RPL39L: variants seen among roughly 807,000 people sequenced by gnomAD.
RPL39L encodes ribosomal protein eL39-like 2.
For synonymous variants in RPL39L, 16 were observed against 20.1 expected (o/e 0.80, Z 0.55); for missense variants, 48 against 58.9 (o/e 0.81, Z 0.61).
At chr3:187,137,143 G>A (rs1240480539) in intron 1 of RPL39L, among the ~76,000 whole-genome samples, 1 of 135,978 alleles carries the variant, frequency 7.4e-6, no homozygotes, top group Non-Finnish European at 1.5e-5. Flanking sequence ...AGGTTGTAGT[G>A]AGTCATGATT....
At chr3:187,128,879 G>A (rs1720441554) in intron 1 of RPL39L, among the ~76,000 whole-genome samples, 1 of 152,272 alleles carries the variant, frequency 6.6e-6, no homozygotes, top group Middle Eastern at 3.4e-3. Context: ...ATCATGATAC[G>A]TCCAACGTCC....
intron 2 of RPL39L, among the ~76,000 whole-genome samples, chr3:187,124,265 C>G (rs1720361493): frequency 6.6e-6 from 1 of 152,106 alleles, no homozygotes; most frequent in Admixed American, 6.5e-5. Flanking sequence ...ATCCTAAGTA[C>G]TGGAGATACA....
rs1308605130 is a variant in RPL39L, at chr3:187,121,121, GT to G, written c.*23del. On this transcript the variant is annotated 3_prime_UTR_variant, in exon 3 of 3. Coordinates refer to ENST00000296277, the MANE Select transcript of RPL39L (RefSeq NM_052969.3). ...CGTGAACTTGATACAGCATAAATAT[GT>G]GTGCCATCTCATGTGCAATTCCTTA... 2 of 1,611,336 alleles carry G rather than the reference GT, an allele frequency of 1.2e-6. No individual in the cohort carries two copies. Among genetic ancestry groups the G allele is most frequent in the Non-Finnish European group, 1.7e-6 (2 of 1,178,824 alleles).
chr3:187,136,017 T>G (rs1364421938), intron 1 of RPL39L, among the ~76,000 whole-genome samples: 1 of 152,258 alleles, frequency 6.6e-6, no homozygotes, highest in East Asian at 1.9e-4. Flanking sequence ...GGATTAGGAC[T>G]GCATCCAGTA....
At chr3:187,125,238 T>C (rs1160912532) in intron 2 of RPL39L, among the ~76,000 whole-genome samples, 1 of 152,232 alleles carries the variant, frequency 6.6e-6, no homozygotes, top group Non-Finnish European at 1.5e-5. Flanking sequence ...AATGGAAATT[T>C]ATACTAAGAA....
intron 1 of RPL39L, among the ~76,000 whole-genome samples, chr3:187,137,700 C>G (rs1366808419): frequency 6.6e-6 from 1 of 151,532 alleles, no homozygotes. Context: ...GCAGGCACAG[C>G]TACCACAATC....
chr3:187,121,694 T>G (rs1720312129), intron 2 of RPL39L, among the ~76,000 whole-genome samples: 1 of 152,120 alleles, frequency 6.6e-6, no homozygotes, highest in Non-Finnish European at 1.5e-5. Flanking sequence ...ACAGAAAAAT[T>G]AAAGCAATAG....
intron 1 of RPL39L, among the ~76,000 whole-genome samples, chr3:187,135,676 T>C (rs1720567365): frequency 6.6e-6 from 1 of 152,098 alleles, no homozygotes; most frequent in African/African-American, 2.4e-5. Flanking sequence ...CACTCGTGGG[T>C]GAGGTAGCTC....
chr3:187,135,503 T>A (rs1406812605), intron 1 of RPL39L, among the ~76,000 whole-genome samples: 1 of 152,196 alleles, frequency 6.6e-6, no homozygotes, highest in African/African-American at 2.4e-5. Context: ...AAGATGTGAC[T>A]TGCTCCTCCT....
In RPL39L at chr3:187,121,015, A is replaced by G. The variant is rs999726016; in HGVS notation, c.*130T>C. The stretch of plus-strand genomic sequence containing the variant: ...CCTACTAGCACAGAGCATACAGAAA[A>G]ACAGAAAAAAATATTCCCAGTAAAA... On this transcript the variant is annotated 3_prime_UTR_variant, in exon 3 of 3. Coordinates refer to ENST00000296277, the MANE Select transcript of RPL39L (RefSeq NM_052969.3). 1 of 1,057,788 alleles carries G rather than the reference A, an allele frequency of 9.5e-7. No individual in the cohort carries two copies. The highest frequency in any genetic ancestry group is 1.6e-5 in the African/African-American group (1 of 63,210). 65.5% of individuals were successfully genotyped at this position (1,057,788 alleles called of 1,614,324 possible).
At chr3:187,129,252 G>C (rs190161700) in intron 1 of RPL39L, among the ~76,000 whole-genome samples, 1 of 152,230 alleles carries the variant, frequency 6.6e-6, no homozygotes, top group Non-Finnish European at 1.5e-5. Context: ...TAGAACAACG[G>C]GTTTTAGTAG....
At chr3:187,130,129 C>T (rs1019264450) in intron 1 of RPL39L, among the ~76,000 whole-genome samples, 11 of 152,174 alleles carry the variant, frequency 7.2e-5, no homozygotes, top group African/African-American at 2.2e-4. Flanking sequence ...TGTTGACTGT[C>T]CTGTCTTTCC....
At chr3:187,122,157 CA>C (rs1253448106) in intron 2 of RPL39L, among the ~76,000 whole-genome samples, 1 of 152,130 alleles carries the variant, frequency 6.6e-6, no homozygotes, top group Non-Finnish European at 1.5e-5. Flanking sequence ...CAAAATTGAC[CA>C]CATTGCCATC....
At chr3:187,137,048 A>C (rs1192444455) in intron 1 of RPL39L, among the ~76,000 whole-genome samples, 1 of 151,846 alleles carries the variant, frequency 6.6e-6, no homozygotes, top group Non-Finnish European at 1.5e-5. Context: ...TCTACAAAAA[A>C]ATTTAAAAAT....
intron 2 of RPL39L, among the ~76,000 whole-genome samples, chr3:187,125,658 C>T (rs1270947694): frequency 6.6e-6 from 1 of 151,720 alleles, no homozygotes; most frequent in Non-Finnish European, 1.5e-5. Context: ...ACTCCTCTTC[C>T]TTGCCTCTCC....
At chr3:187,133,337 T>C (rs1720517601) in intron 1 of RPL39L, among the ~76,000 whole-genome samples, 1 of 151,846 alleles carries the variant, frequency 6.6e-6, no homozygotes, top group Non-Finnish European at 1.5e-5. Context: ...AGTGAGGGAG[T>C]TCTCATGAGA....
chr3:187,132,079 T>A (rs957865047), intron 1 of RPL39L, among the ~76,000 whole-genome samples: 2 of 152,180 alleles, frequency 1.3e-5, no homozygotes, highest in African/African-American at 4.8e-5. Flanking sequence ...GCCTACCACA[T>A]AACCATTAGT....
At chr3:187,134,496 A>AAAAAAAAG in intron 1 of RPL39L, among the ~76,000 whole-genome samples, 1 of 150,898 alleles carries the variant, frequency 6.6e-6, no homozygotes, top group East Asian at 2.0e-4. Context: ...AAAAAAAAAA[A>AAAAAAAAG]AAAAAAGAAG....
At chr3:187,132,888 A>G (rs957490338) in intron 1 of RPL39L, among the ~76,000 whole-genome samples, 1 of 152,138 alleles carries the variant, frequency 6.6e-6, no homozygotes, top group Admixed American at 6.5e-5. Context: ...AAGGTCACAG[A>G]CCAATAAAGT....
Sources: allele counts gnomAD v4.1 joint callset (sites outside exome capture counted in the v4.1 genomes callset), GRCh38; gene constraint gnomAD v4.1.1; transcripts MANE v1.5; gene names NCBI Gene and HGNC (gene_info 2026-07-23, HGNC 2026-07-21).